The following COL5A1 variants were observed in gnomAD, a reference collection of about 807,000 sequenced individuals.
COL5A1 encodes collagen alpha-1(V) chain.
COL5A1 carries 16 observed loss-of-function variants against 263.7 expected under a neutral mutation model. The ratio of observed to expected loss-of-function variants is 0.06; its 90% CI spans 0.04 to 0.09. The LOEUF (loss-of-function observed/expected upper bound fraction) is 0.09. Ranked by LOEUF, COL5A1 falls within the 10% of genes least tolerant of loss-of-function variation. COL5A1 has a pLI of 1.00. For synonymous variants in COL5A1, 1,012 were observed against 1,004.5 expected, an observed-to-expected ratio of 1.01 and a Z score of -0.14; for missense variants, 2,036 against 2,540.5, an observed-to-expected ratio of 0.80 and a Z score of 4.27.
chr9:134,774,510 G>C (rs1836980706), intron 26 of COL5A1, among the ~76,000 whole-genome samples: 1 of 152,220 alleles, frequency 6.6e-6, no homozygotes. Flanking sequence ...CCTTAGGCTG[G>C]GAATGCATTT....
chr9:134,784,950 G>A (rs766242309), intron 29 of COL5A1, 39 bp from the exon 30 acceptor site: 29 of 1,470,608 alleles, frequency 2.0e-5, no homozygotes, highest in East Asian at 4.5e-5. Context: ...GTGTGTGTGC[G>A]GGGGGTGGTC....
rs942145911 is a variant in COL5A1 at position 134,818,751 on chromosome 9, C to A, written c.4326C>A (p.Ile1442=). 1.2e-6 allele frequency: 2 copies of A among 1,612,308 alleles called. No individual in the cohort carries two copies. The highest frequency in any genetic ancestry group is 1.7e-5 in the Admixed American group (1 of 59,928). Residue 1442 remains isoleucine (I), a synonymous_variant, in exon 55 of 66, where the codon ATC becomes ATA. Coordinates refer to ENST00000371817, the MANE Select transcript of COL5A1 (RefSeq NM_000093.5). This position sits in a 1 kb window ranked among gnomAD's most constrained non-coding sequence, Gnocchi z 6.0. ...CCGGACCGGATGGCCTTCGAGGGAT[C>A]CCTGGCCCTGTGGTGAGTAGGCTGT... ...GKPGPDGLRG[I]PGPVGEQGLP... is the part of the protein sequence containing the mutation.
chr9:134,759,920 TACATGC>T (rs1836239009), intron 18 of COL5A1, among the ~76,000 whole-genome samples: 1 of 52,688 alleles, frequency 1.9e-5, no homozygotes, highest in African/African-American at 9.0e-5. Context: ...CCCACACTCA[TACATGC>T]ACACACACGC....
At chr9:134,726,918 G>A (rs1285710708) in intron 4 of COL5A1, among the ~76,000 whole-genome samples, 1 of 151,178 alleles carries the variant, frequency 6.6e-6, no homozygotes, top group African/African-American at 2.4e-5. Flanking sequence ...TGGGTGGATG[G>A]GTGAATGGGT....
In COL5A1 at chr9:134,754,640, C is replaced by T. The variant is rs185655561; in HGVS notation, c.1827+314C>T. Among the ~76,000 whole-genome samples, 163 of 152,318 alleles carry T rather than the reference C, an allele frequency of 1.1e-3. No individual in the cohort carries two copies. The highest frequency in any genetic ancestry group is 3.5e-3 in the African/African-American group (146 of 41,572). ...AATGTTAAGAAGACAAAACTATCAG[C>T]GGGCCTTATATATTTCGGGCAGCAC... On this transcript the variant is annotated intron_variant, in intron 16 of 65. Coordinates refer to ENST00000371817, the MANE Select transcript of COL5A1 (RefSeq NM_000093.5). This position sits in a 1 kb window ranked among gnomAD's most constrained non-coding sequence, Gnocchi z 4.3.
chr9:134,779,960 T>A, intron 27 of COL5A1, 142 bp from the exon 28 acceptor site: 1 of 879,806 alleles, frequency 1.1e-6, no homozygotes, highest in Non-Finnish European at 1.9e-6. Context: ...GGGGGACATA[T>A]GGGAGGAAGT....
intron 25 of COL5A1, among the ~76,000 whole-genome samples, chr9:134,772,227 C>T (rs1041681307): frequency 2.6e-5 from 4 of 152,252 alleles, no homozygotes; most frequent in African/African-American, 7.2e-5. Flanking sequence ...CCCTCCACCC[C>T]GCACCAACCT....
intron 48 of COL5A1, among the ~76,000 whole-genome samples, chr9:134,813,553 G>A (rs1214487031): frequency 3.9e-5 from 6 of 152,210 alleles, no homozygotes; most frequent in African/African-American, 1.2e-4. Context: ...TAGGGCGCAT[G>A]TTTCTGTTCA....
chr9:134,793,349 A>G (rs940882426), intron 32 of COL5A1, among the ~76,000 whole-genome samples: 5 of 150,330 alleles, frequency 3.3e-5, no homozygotes, highest in African/African-American at 1.2e-4. Flanking sequence ...GGTGCCCACA[A>G]GCAATTTGCA....
chr9:134,840,267 G>A (rs1275567282), intron 65 of COL5A1, among the ~76,000 whole-genome samples: 1 of 152,236 alleles, frequency 6.6e-6, no homozygotes, highest in African/African-American at 2.4e-5. Flanking sequence ...GCCAGCTGCA[G>A]TAACAGAAAG....
intron 4 of COL5A1, among the ~76,000 whole-genome samples, chr9:134,713,644 A>G (rs1834147124): frequency 6.6e-6 from 1 of 152,230 alleles, no homozygotes; most frequent in African/African-American, 2.4e-5. Flanking sequence ...AGCGGCAGTG[A>G]AGTGTTTTAT....
intron 9 of COL5A1, among the ~76,000 whole-genome samples, chr9:134,735,938 G>T (rs1173765706): frequency 6.6e-6 from 1 of 152,254 alleles, no homozygotes; most frequent in East Asian, 1.9e-4. Flanking sequence ...TCATCAGCCT[G>T]GTACCCAGCA....
chr9:134,809,871 C>T (rs34273431), intron 43 of COL5A1, among the ~76,000 whole-genome samples: 5,825 of 152,212 alleles, frequency 0.038, 140 homozygotes, highest in Non-Finnish European at 0.057. Flanking sequence ...CATCTCCGGG[C>T]GGGAGACAGC....
At chr9:134,825,235 G>A (rs1047079811) in intron 62 of COL5A1, among the ~76,000 whole-genome samples, 3 of 152,218 alleles carry the variant, frequency 2.0e-5, no homozygotes, top group African/African-American at 7.2e-5. Flanking sequence ...AGTGCCAGTG[G>A]AAGTAAGGGT....
In COL5A1 at chr9:134,741,217, C is replaced by T. The variant is rs1200741024; in HGVS notation, c.1494+2409C>T. 6.6e-6 allele frequency among the ~76,000 whole-genome samples: 1 copy of T among 152,230 alleles called. No homozygotes were observed. The highest frequency in any genetic ancestry group is 1.5e-5 in the Non-Finnish European group (1 of 68,044). On this transcript the variant is annotated intron_variant, in intron 11 of 65. Transcript: ENST00000371817. The surrounding 1 kb of genome is among the most constrained non-coding windows in gnomAD (Gnocchi z 4.5). The stretch of plus-strand genomic sequence containing the variant: ...AGGTGCCTGTGCGGCGGAGAAACAA[C>T]ATTGTCTCTGCCCTCGGAGGTTGAG...
intron 51 of COL5A1, 78 bp downstream of exon 51, chr9:134,815,707 CT>C (rs1838719884): frequency 1.3e-6 from 2 of 1,505,970 alleles, no homozygotes; most frequent in Non-Finnish European, 1.8e-6. Flanking sequence ...TCCCCTCTTT[CT>C]GGTGGTTCTT....
At chr9:134,747,993 A>G (rs1462027854) in intron 11 of COL5A1, among the ~76,000 whole-genome samples, 2 of 151,490 alleles carry the variant, frequency 1.3e-5, no homozygotes, top group East Asian at 1.9e-4. Flanking sequence ...ATGCATTCAC[A>G]CACACATACA....
rs566973591 is a variant in COL5A1 at position 134,740,208 on chromosome 9, G to A, written c.1494+1400G>A. Reference sequence around the variant, plus strand: ...TCCAGACAGGCAACAGCGAGTGGCCGCTGCTCTTGCCCAGCCAGCACCGGC... The same window carrying A: ...TCCAGACAGGCAACAGCGAGTGGCCACTGCTCTTGCCCAGCCAGCACCGGC... On this transcript the variant is annotated intron_variant, in intron 11 of 65. Coordinates refer to ENST00000371817, the MANE Select transcript of COL5A1 (RefSeq NM_000093.5). Among the ~76,000 whole-genome samples, 11 of 151,878 alleles carry A rather than the reference G, an allele frequency of 7.2e-5. No homozygotes were observed. The South Asian group carries it at 1.5e-3, about 20-fold the overall frequency.
chr9:134,724,104 C>T (rs538870778), intron 4 of COL5A1, among the ~76,000 whole-genome samples: 1 of 152,258 alleles, frequency 6.6e-6, no homozygotes, highest in South Asian at 2.1e-4. Context: ...CACCCTCTCA[C>T]ACCTGCTGTT....
Sources: gnomAD v4.1 joint callset for allele counts (sites outside exome capture counted in the v4.1 genomes callset) on GRCh38, gnomAD v4.1.1 for gene constraint, Gnocchi (gnomAD v3.1) non-coding constraint, MANE v1.5 for transcripts, NCBI Gene and HGNC (gene_info 2026-07-23, HGNC 2026-07-21) for gene names.